The following WWP2 variants were observed in gnomAD, a reference collection of about 807,000 sequenced individuals.
The protein encoded by WWP2 is WW domain containing E3 ubiquitin protein ligase 2, also known as NEDD4-like E3 ubiquitin-protein ligase WWP2.
In WWP2, 57 loss-of-function variants were observed where a neutral mutation model predicts 121.0. The observed-to-expected ratio is 0.47, with a 90% confidence interval of 0.38 to 0.59. WWP2 has a LOEUF of 0.59. Among genes scored for constraint, WWP2 ranks in the 20% least tolerant of loss-of-function variants. The probability of loss-of-function intolerance (pLI) is 0.00; values close to 1 mark genes in which losing one functional copy is unlikely to be tolerated. For synonymous variants in WWP2, 449 were observed against 441.3 expected, an observed-to-expected ratio of 1.02 and a Z score of -0.22; for missense variants, 962 against 1,158.9, an observed-to-expected ratio of 0.83 and a Z score of 2.47.
chr16:69,806,949 TATTTATTCATTC>T (rs1286315474), intron 4 of WWP2, among the ~76,000 whole-genome samples: 4 of 146,134 alleles, frequency 2.7e-5, no homozygotes, highest in South Asian at 4.3e-4. Context: ...TTTATTTATT[TATTTATTCATTC>T]ATTCATTCAT....
At chr16:69,884,507 A>G (rs923996791) in intron 7 of WWP2, among the ~76,000 whole-genome samples, 1 of 152,156 alleles carries the variant, frequency 6.6e-6, no homozygotes, top group African/African-American at 2.4e-5. Context: ...ATGAGCCTGT[A>G]GTCCCAGCTG....
chr16:69,934,364 G>A (rs917718013), intron 17 of WWP2, among the ~76,000 whole-genome samples: 6 of 152,054 alleles, frequency 3.9e-5, no homozygotes, highest in Non-Finnish European at 7.4e-5. Context: ...CATAGAGCTC[G>A]TAACCTAAAA....
intron 4 of WWP2, among the ~76,000 whole-genome samples, chr16:69,830,627 G>A (rs1277285077): frequency 6.6e-6 from 1 of 152,178 alleles, no homozygotes; most frequent in African/African-American, 2.4e-5. Flanking sequence ...CAGAGTGTGA[G>A]TGTTGGGGGG....
At chr16:69,933,893 G>A in intron 16 of WWP2, 77 bp from the exon 17 acceptor site, 1 of 1,523,588 alleles carries the variant, frequency 6.6e-7, no homozygotes, top group Non-Finnish European at 9.0e-7. Flanking sequence ...AGACACGATG[G>A]TGAAGAGACA....
At chr16:69,809,535 G>A (rs1596974712) in intron 4 of WWP2, among the ~76,000 whole-genome samples, 1 of 152,164 alleles carries the variant, frequency 6.6e-6, no homozygotes, top group African/African-American at 2.4e-5. Context: ...GGGAGGCCAA[G>A]GTGGGTGTAT....
At chr16:69,840,294 C>G (rs2056954078) in intron 5 of WWP2, 31 bp downstream of exon 5, 1 of 1,611,836 alleles carries the variant, frequency 6.2e-7, no homozygotes, top group African/African-American at 1.3e-5. Flanking sequence ...CAGGACTGTG[C>G]CGGGACAGGG....
intron 2 of WWP2, among the ~76,000 whole-genome samples, chr16:69,789,479 C>T (rs928023180): frequency 3.9e-5 from 6 of 152,200 alleles, no homozygotes; most frequent in African/African-American, 9.6e-5. Flanking sequence ...CTCCCCGCCT[C>T]GGCCTCCCAA....
intron 4 of WWP2, chr16:69,838,711 C>T (rs931377947): frequency 1.0e-6 from 1 of 985,058 alleles, no homozygotes; most frequent in African/African-American, 1.7e-5. Context: ...TGAAGGAACT[C>T]GTTTCCTTTG....
chr16:69,842,282 A>G (rs927392207), intron 6 of WWP2, among the ~76,000 whole-genome samples, 162 bp downstream of exon 6: 1 of 152,060 alleles, frequency 6.6e-6, no homozygotes, highest in African/African-American at 2.4e-5. Context: ...AGGAGTCCAG[A>G]GCTTAGGATC....
At chr16:69,800,290 G>A (rs779139917) in intron 4 of WWP2, among the ~76,000 whole-genome samples, 33 of 152,102 alleles carry the variant, frequency 2.2e-4, no homozygotes, top group Non-Finnish European at 4.4e-4. Context: ...TGATTGCTTT[G>A]TCTTCTGAAT....
chr16:69,832,104 C>G (rs2056803875), intron 4 of WWP2, among the ~76,000 whole-genome samples: 1 of 152,132 alleles, frequency 6.6e-6, no homozygotes, highest in Non-Finnish European at 1.5e-5. Flanking sequence ...GCTAGGATTA[C>G]AGGTGTGAGC....
At chr16:69,890,615 G>A (rs1334875607) in intron 8 of WWP2, among the ~76,000 whole-genome samples, 2 of 152,170 alleles carry the variant, frequency 1.3e-5, no homozygotes, top group South Asian at 4.1e-4. Flanking sequence ...TGAGCTGTTT[G>A]TTTTCTTTCC....
chr16:69,816,700 C>T (rs933800188), intron 4 of WWP2, among the ~76,000 whole-genome samples: 10 of 152,032 alleles, frequency 6.6e-5, no homozygotes, highest in Non-Finnish European at 4.4e-5. Context: ...CATATACACA[C>T]GTATACATGT....
chr16:69,931,952 G>C (rs761199975), intron 16 of WWP2, 62 bp downstream of exon 16: 5 of 1,493,402 alleles, frequency 3.3e-6, no homozygotes, highest in Non-Finnish European at 4.6e-6. Context: ...CAGCATCAAT[G>C]GCCAGAAAGC....
At chr16:69,927,410 C>T (rs890550282) in intron 11 of WWP2, among the ~76,000 whole-genome samples, 2 of 151,650 alleles carry the variant, frequency 1.3e-5, no homozygotes, top group African/African-American at 4.8e-5. Context: ...AGATCCACAT[C>T]TGCCCTCGGC....
chr16:69,895,721 C>G (rs1177639744), intron 8 of WWP2, among the ~76,000 whole-genome samples: 1 of 152,212 alleles, frequency 6.6e-6, no homozygotes, highest in Non-Finnish European at 1.5e-5. Flanking sequence ...GTTCAAGTCA[C>G]TGCCCTTCAG....
At chr16:69,863,435 T>C (rs2057461611) in intron 6 of WWP2, among the ~76,000 whole-genome samples, 1 of 151,966 alleles carries the variant, frequency 6.6e-6, no homozygotes, top group African/African-American at 2.4e-5. Flanking sequence ...GGTCAGGACT[T>C]CAAGACCAGC....
At chr16:69,863,518 A>T (rs1412198720) in intron 6 of WWP2, among the ~76,000 whole-genome samples, 2 of 152,184 alleles carry the variant, frequency 1.3e-5, no homozygotes, top group Non-Finnish European at 2.9e-5. Flanking sequence ...AGGCGCCTGT[A>T]ATCCCAGCTA....
Position 69,888,197 on chromosome 16 carries a change from G to T in WWP2, c.862G>T (p.Gly288Cys). 6.2e-7 allele frequency: 1 copy of T among 1,614,158 alleles called. No individual in the cohort carries two copies. ...PAEGEEPSTSGTQQLPAAAQA... is the reference protein window; with the variant it reads ...PAEGEEPSTSCTQQLPAAAQA... ...TGAAGGAGAGGAACCCAGCACTTCG[G>T]GTACACAGCAGCTCCCAGCGGCTGC... The change falls in exon 8 of 24, where the codon GGT (glycine) becomes TGT (cysteine). Residue 288 changes from glycine (G) to cysteine (C), a missense_variant. Gly to Cys is a radical substitution (Grantham distance 159). Around this residue, in one of 3 missense-constraint regions of WWP2, gnomAD observed 211 missense variants for 196.5 expected, o/e 1.07. Coordinates refer to ENST00000359154, the MANE Select transcript of WWP2 (RefSeq NM_001270454.2).
Sources: allele counts gnomAD v4.1 joint callset (sites outside exome capture counted in the v4.1 genomes callset), GRCh38; gene constraint gnomAD v4.1.1; regional missense constraint gnomAD v4.1.1; transcripts MANE v1.5; gene names NCBI Gene and HGNC (gene_info 2026-07-23, HGNC 2026-07-21).